The following RNF141 variants were observed in gnomAD, a reference collection of about 807,000 sequenced individuals.
The protein encoded by RNF141 is ring finger protein 141, also known as C3HC4-like zinc finger protein.
RNF141 carries 18 observed loss-of-function variants against 27.4 expected under a neutral mutation model. The ratio of observed to expected loss-of-function variants is 0.66; its 90% CI spans 0.45 to 0.97. The LOEUF is 0.97. Among genes scored for constraint, RNF141 ranks in the 50% least tolerant of loss-of-function variants. The pLI, the probability that RNF141 is intolerant of heterozygous loss-of-function variation, is 0.00. For synonymous variants in RNF141, 97 were observed against 96.6 expected (o/e 1.00, Z -0.02); for missense variants, 230 against 279.4 (o/e 0.82, Z 1.26).
At chr11:10,523,686 T>C (rs2133968872) in intron 4 of RNF141, among the ~76,000 whole-genome samples, 1 of 152,304 alleles carries the variant, frequency 6.6e-6, no homozygotes, top group South Asian at 2.1e-4. Context: ...ATTTCCAGTT[T>C]TGAGGGCACA....
At chr11:10,539,056 T>C (rs899692316) in intron 1 of RNF141, among the ~76,000 whole-genome samples, 8 of 152,176 alleles carry the variant, frequency 5.3e-5, no homozygotes, top group Non-Finnish European at 1.0e-4. Flanking sequence ...ATTTGAAGGA[T>C]TTTCTAAATA....
intron 2 of RNF141, among the ~76,000 whole-genome samples, chr11:10,531,373 T>TTAA (rs1309230186): frequency 2.4e-4 from 3 of 12,466 alleles, no homozygotes; most frequent in South Asian, 5.6e-3. Flanking sequence ...AGACTCAGTC[T>TTAA]CAAAAAAAAA....
chr11:10,541,069 G>A (rs1591503727), intron 1 of RNF141, 53 bp downstream of exon 1: 1 of 152,456 alleles, frequency 6.6e-6, no homozygotes, highest in East Asian at 1.9e-4. Context: ...CAGACCCAGA[G>A]TCCTGGAGCA....
At chr11:10,537,052 C>A (rs2054392) in intron 1 of RNF141, among the ~76,000 whole-genome samples, 1 of 152,042 alleles carries the variant, frequency 6.6e-6, no homozygotes, top group Non-Finnish European at 1.5e-5. Context: ...GTTTAAATAT[C>A]TGAGGAGCTG....
In RNF141 at chr11:10,525,390, C is replaced by T. The variant is rs1475119542; in HGVS notation, c.253-17G>A. On this transcript the variant is annotated splice_polypyrimidine_tract_variant and intron_variant, in intron 3 of 5. Coordinates refer to ENST00000265981, the MANE Select transcript of RNF141 (RefSeq NM_016422.4). ...TTTGTTAATCTAAAAATACAAAGAA[C>T]ATGAAAAAGAAAAGTTGATCATTTC... The T allele has an allele frequency of 2.6e-6, 4 of 1,527,586 alleles. No homozygotes were observed. The African/African-American group carries it at 4.2e-5, about 16-fold the overall frequency. The allele number at this position is 1,527,586 out of a possible 1,614,324, so 94.6% of individuals were successfully genotyped here. A position where few individuals can be genotyped will look rare whatever the true frequency, so the allele number is the denominator to read the frequency against.
intron 4 of RNF141, among the ~76,000 whole-genome samples, chr11:10,519,667 G>T (rs566354532): frequency 0.084 from 12,753 of 152,060 alleles, 645 homozygotes; most frequent in Admixed American, 0.14. Flanking sequence ...TTACTGTATG[G>T]AACACTGTAG....
chr11:10,527,652 G>T (rs114737392), intron 3 of RNF141, among the ~76,000 whole-genome samples: 10,803 of 152,102 alleles, frequency 0.071, 551 homozygotes, highest in African/African-American at 0.14. Flanking sequence ...TCACGGGGGG[G>T]GGTTTTGAGC....
At chr11:10,535,682 A>G (rs900215635) in intron 1 of RNF141, among the ~76,000 whole-genome samples, 1 of 152,148 alleles carries the variant, frequency 6.6e-6, no homozygotes, top group African/African-American at 2.4e-5. Context: ...ACAGTTTCCA[A>G]AAATAAACAA....
At chr11:10,518,901 CATAAAATTCAAAGTACTAAAGA>C in intron 5 of RNF141, 111 bp downstream of exon 5, 1 of 575,860 alleles carries the variant, frequency 1.7e-6, no homozygotes, top group Non-Finnish European at 3.0e-6. Flanking sequence ...GAAGGCATGC[CATAAAATTCAAAGTACTAAAGA>C]ATAAAATCTC....
chr11:10,532,496 T>TACACACACACAC (rs10559393), intron 2 of RNF141, among the ~76,000 whole-genome samples: 15 of 131,258 alleles, frequency 1.1e-4, no homozygotes, highest in African/African-American at 1.7e-4. Flanking sequence ...GTTCATTTTC[T>TACACACACACAC]ACACACACAC....
chr11:10,520,025 G>T (rs1849875432), intron 4 of RNF141, among the ~76,000 whole-genome samples: 1 of 152,218 alleles, frequency 6.6e-6, no homozygotes, highest in Non-Finnish European at 1.5e-5. Context: ...TTATGAATTT[G>T]TGTTGGGCCA....
intron 4 of RNF141, among the ~76,000 whole-genome samples, chr11:10,519,793 C>A (rs1280529892): frequency 6.6e-6 from 1 of 152,056 alleles, no homozygotes; most frequent in East Asian, 1.9e-4. Context: ...AGGGCACTTA[C>A]CATAAATGGA....
intron 3 of RNF141, among the ~76,000 whole-genome samples, chr11:10,526,798 A>G (rs988995760): frequency 6.6e-6 from 1 of 151,836 alleles, no homozygotes; most frequent in African/African-American, 2.4e-5. Flanking sequence ...AAAAAAAAAG[A>G]ATGAGTCATA....
rs973405161 is a variant in RNF141 at position 10,511,917 on chromosome 11, C to T, written c.*2999G>A. On this transcript the variant is annotated 3_prime_UTR_variant, in exon 6 of 6. Coordinates refer to ENST00000265981, the MANE Select transcript of RNF141 (RefSeq NM_016422.4). ...GTGAAATTACATAGGAAAATAATCT[C>T]TTCAATTAGCTAAAATCACTTGCGA... 6.6e-6 allele frequency: 1 copy of T among 152,616 alleles called. No individual in the cohort carries two copies. Among genetic ancestry groups the T allele is most frequent in the African/African-American group, 2.4e-5 (1 of 41,444 alleles). The allele number at this position is 152,616 out of a possible 1,614,324, so 9.5% of individuals were successfully genotyped here.
At chr11:10,517,340 C>A (rs1445046269) in intron 5 of RNF141, 1 of 151,548 alleles carries the variant, frequency 6.6e-6, no homozygotes, top group Non-Finnish European at 1.5e-5. Flanking sequence ...CAGAGAAAGA[C>A]TCAAAAAAGA....
chr11:10,536,108 G>A (rs1463360521), intron 1 of RNF141, among the ~76,000 whole-genome samples: 3 of 152,312 alleles, frequency 2.0e-5, no homozygotes, highest in Admixed American at 6.5e-5. Flanking sequence ...AGGTGAACAA[G>A]TACAGGTGCT....
intron 3 of RNF141, among the ~76,000 whole-genome samples, chr11:10,525,995 C>G (rs1199815382): frequency 6.6e-6 from 1 of 152,078 alleles, no homozygotes; most frequent in African/African-American, 2.4e-5. Context: ...AGTTTACAAT[C>G]TAATGTAGAA....
rs142280499 is a variant in RNF141, at chr11:10,538,373, A to C, written c.-48+2749T>G. On this transcript the variant is annotated intron_variant, in intron 1 of 5. Coordinates refer to ENST00000265981, the MANE Select transcript of RNF141 (RefSeq NM_016422.4). ...TTGATAAATATTAACATCTATCACT[A>C]TATGGGTGTGAAAATAAGATATGAC... is the stretch of plus-strand genomic sequence containing the variant. Among the ~76,000 whole-genome samples, 5 of 152,360 alleles carry C rather than the reference A, an allele frequency of 3.3e-5. No homozygotes were observed. In the East Asian group the frequency reaches 9.6e-4, roughly 29 times the overall value.
chr11:10,539,701 A>ATATATATATATATATATATATACAC (rs10524171), intron 1 of RNF141, among the ~76,000 whole-genome samples: 2 of 31,476 alleles, frequency 6.4e-5, no homozygotes, highest in Non-Finnish European at 1.4e-4. Flanking sequence ...CATATATATT[A>ATATATATATATATATATATATACAC]GAGAGAGAAG....
Sources: gnomAD v4.1 joint callset for allele counts (sites outside exome capture counted in the v4.1 genomes callset) on GRCh38, gnomAD v4.1.1 for gene constraint, MANE v1.5 for transcripts, NCBI Gene and HGNC (gene_info 2026-07-23, HGNC 2026-07-21) for gene names.